MVB12A: variants seen among roughly 807,000 people sequenced by gnomAD.
MVB12A encodes CIN85/CD2AP family binding protein.
Under a neutral mutation model 34.3 loss-of-function variants are expected in MVB12A, and 30 were observed. The ratio of observed to expected loss-of-function variants is 0.88; its 90% CI spans 0.65 to 1.19. The LOEUF (loss-of-function observed/expected upper bound fraction) is 1.19, where lower values mean the gene tolerates loss of function less well. Among genes scored for constraint, MVB12A ranks in the 50% most tolerant of loss-of-function variants. The pLI is 0.00. For synonymous variants in MVB12A, 158 were observed against 158.9 expected (o/e 0.99, Z 0.04); for missense variants, 355 against 369.2 (o/e 0.96, Z 0.31).
Position 17,420,187 on chromosome 19 carries a change from T to A in MVB12A, c.52T>A (p.Ser18Thr). ...GGCGCCGCTGGCTGGCCTGGCCTGG[T>A]CGTCGGCCTCTGCACCCCCGCCGCG... is the stretch of plus-strand genomic sequence containing the variant. ...DSAPLAGLAW[S>T]SASAPPPRGF... The change falls in exon 1 of 9, where the codon TCG becomes ACG. Residue 18 changes from serine (S) to threonine (T), a missense_variant. Ser to Thr is a moderately conservative substitution (Grantham distance 58, BLOSUM62 1). Transcript: ENST00000317040. The A allele has an allele frequency of 6.9e-7, 1 of 1,438,984 alleles. No homozygotes were observed. The highest frequency in any genetic ancestry group is 9.1e-7 in the Non-Finnish European group (1 of 1,103,704). 89.1% of individuals were successfully genotyped at this position (1,438,984 alleles called of 1,614,324 possible).
upstream of MVB12A, chr19:17,420,017 C>T (rs201774225): frequency 6.6e-4 from 153 of 232,440 alleles, 3 homozygotes; most frequent in African/African-American, 7.0e-3. Flanking sequence ...CAATCTCCGC[C>T]CCCCCCCCCC....
At chr19:17,408,128 T>C (rs751874826) in intron 2 of MVB12A, among the ~76,000 whole-genome samples, 8 of 152,214 alleles carry the variant, frequency 5.3e-5, no homozygotes, top group Non-Finnish European at 1.0e-4. Flanking sequence ...ATTAATGATA[T>C]TCATATATCT....
intron 2 of MVB12A, among the ~76,000 whole-genome samples, chr19:17,410,471 C>T (rs1278375419): frequency 7.8e-6 from 1 of 128,954 alleles, no homozygotes; most frequent in Non-Finnish European, 1.6e-5. Context: ...TGCACCCAGC[C>T]GCTAGCATTC....
upstream of MVB12A, chr19:17,419,019 G>A (rs1468955283): frequency 6.6e-6 from 1 of 151,544 alleles, no homozygotes; most frequent in Non-Finnish European, 1.5e-5. Flanking sequence ...TGGAACAGAC[G>A]ACCTCTAGTC....
At position 17,423,529 on chromosome 19, in the gene MVB12A, A is replaced by C. The variant is rs753809903; in HGVS notation, c.445A>C (p.Lys149Gln). 1 of 1,613,544 alleles carries C rather than the reference A, an allele frequency of 6.2e-7. No homozygotes were observed. Among genetic ancestry groups the C allele is most frequent in the Admixed American group, 1.7e-5 (1 of 60,022 alleles). The stretch of plus-strand genomic sequence containing the variant: ...GGGCGGCTTTGCCATCTGGTGCAAG[A>C]AGGCCAAGGCCCCGAGGCCAGTGCC... ...DMGGFAIWCK[K>Q]AKAPRPVPKP... Residue 149 changes from lysine (K) to glutamine (Q), a missense_variant, in exon 5 of 9, where the codon AAG (lysine) becomes CAG (glutamine). Lys to Gln is a moderately conservative substitution (Grantham distance 53). Transcript: ENST00000317040.
Position 17,423,689 on chromosome 19 carries a change from C to T in MVB12A, c.534-4C>T. 1 of 1,613,772 alleles carries T rather than the reference C, an allele frequency of 6.2e-7. No individual in the cohort carries two copies. Among genetic ancestry groups the T allele is most frequent in the Non-Finnish European group, 8.5e-7 (1 of 1,179,846 alleles). ...AGGCTTAACCTGAGTCATCCCACCTCCAGTAAGGGCGGCCTCCTGGAGCGG... is the reference window on the plus strand; with the variant it reads ...AGGCTTAACCTGAGTCATCCCACCTTCAGTAAGGGCGGCCTCCTGGAGCGG... On this transcript the variant is annotated splice_polypyrimidine_tract_variant and splice_region_variant and intron_variant, in intron 5 of 8. Coordinates refer to ENST00000317040, the MANE Select transcript of MVB12A (RefSeq NM_138401.4).
chr19:17,410,529 T>TATATATACACACACACACACACAC, intron 2 of MVB12A, among the ~76,000 whole-genome samples: 5 of 74,446 alleles, frequency 6.7e-5, no homozygotes, highest in Non-Finnish European at 1.2e-4. Flanking sequence ...TATATATATA[T>TATATATACACACACACACACACAC]ACACACACAC....
upstream of MVB12A, chr19:17,417,784 G>A (rs1325166817): frequency 7.8e-6 from 2 of 258,004 alleles, no homozygotes; most frequent in Non-Finnish European, 8.2e-6. Flanking sequence ...ATCCGCCTTT[G>A]CCATTTCATC....
chr19:17,423,998 T>A lies in MVB12A; in HGVS notation c.641-8T>A. 2 of 1,613,940 alleles carry A rather than the reference T, an allele frequency of 1.2e-6. No individual in the cohort carries two copies. Among genetic ancestry groups the A allele is most frequent in the Non-Finnish European group, 8.5e-7 (1 of 1,179,930 alleles). On this transcript the variant is annotated splice_region_variant and splice_polypyrimidine_tract_variant and intron_variant, in intron 6 of 8. Transcript: ENST00000317040. ...ACCTCACCTCCTCCCCTCGCACGTG[T>A]TTTTCAGCCATGGATGGGGTTCCCT...
At chr19:17,407,531 C>T (rs984145881) in intron 2 of MVB12A, among the ~76,000 whole-genome samples, 8 of 152,170 alleles carry the variant, frequency 5.3e-5, no homozygotes, top group Non-Finnish European at 8.8e-5. Context: ...GCCTGGCAGC[C>T]GAGGCAGAGA....
intron 2 of MVB12A, among the ~76,000 whole-genome samples, chr19:17,411,548 G>C (rs2074769526): frequency 6.6e-6 from 1 of 151,734 alleles, no homozygotes; most frequent in Non-Finnish European, 1.5e-5. Flanking sequence ...TGTAGAGATG[G>C]GGTCTCACTA....
chr19:17,405,811 C>T (rs28413174), intron 1 of MVB12A: 78,775 of 451,838 alleles, frequency 0.17, 7,805 homozygotes, highest in African/African-American at 0.27. Flanking sequence ...GCCCTTGGGC[C>T]CTTCCCAGCT....
At chr19:17,420,517 G>T in intron 2 of MVB12A, 21 bp from the exon 3 acceptor site, 1 of 1,599,388 alleles carries the variant, frequency 6.3e-7, no homozygotes, top group Non-Finnish European at 8.6e-7. Flanking sequence ...CACCCTCGCC[G>T]TGTCCCCCTT....
chr19:17,409,852 G>A (rs1306779703), intron 2 of MVB12A, among the ~76,000 whole-genome samples: 2 of 151,884 alleles, frequency 1.3e-5, no homozygotes, highest in African/African-American at 4.8e-5. Context: ...TCCGCCTCCT[G>A]GGTTCAAGCA....
intron 2 of MVB12A, chr19:17,414,585 C>T (rs1191731561): frequency 6.6e-6 from 1 of 152,206 alleles, no homozygotes; most frequent in African/African-American, 2.4e-5. Flanking sequence ...TAATATGTTT[C>T]TGGCTGGGCT....
upstream of MVB12A, chr19:17,420,020 C>CCCCCCCCA: frequency 2.8e-6 from 1 of 361,622 alleles, no homozygotes; most frequent in Non-Finnish European, 4.5e-6. Flanking sequence ...TCTCCGCCCC[C>CCCCCCCCA]CCCCCCCGCA....
Position 17,420,244 on chromosome 19 carries a change from C to T in MVB12A, c.90+19C>T, listed in dbSNP as rs540563524. The T allele has an allele frequency of 2.0e-6, 3 of 1,511,862 alleles. No individual in the cohort carries two copies. Among genetic ancestry groups the T allele is most frequent in the African/African-American group, 1.4e-5 (1 of 70,942 alleles). The allele number at this position is 1,511,862 out of a possible 1,614,324, so 93.7% of individuals were successfully genotyped here. The stretch of plus-strand genomic sequence containing the variant: ...CAGCGCGGTGAGCGGCGTCGAGGGG[C>T]GGGGGTCGAATGGGGGAGGCAGTCG... On this transcript the variant is annotated intron_variant, in intron 1 of 8. Transcript: ENST00000317040.
intron 2 of MVB12A, among the ~76,000 whole-genome samples, chr19:17,407,373 G>GC (rs1344278493): frequency 6.6e-6 from 1 of 152,152 alleles, no homozygotes; most frequent in Non-Finnish European, 1.5e-5. Context: ...CCAGCAATGC[G>GC]CGGAGACTGG....
At position 17,420,242 on chromosome 19, in the gene MVB12A, G is replaced by T. The variant is rs1316479861; in HGVS notation, c.90+17G>T. 1 of 1,511,394 alleles carries T rather than the reference G, an allele frequency of 6.6e-7. No homozygotes were observed. Among genetic ancestry groups the T allele is most frequent in the Non-Finnish European group, 8.8e-7 (1 of 1,134,168 alleles). The allele number at this position is 1,511,394 out of a possible 1,614,324, so 93.6% of individuals were successfully genotyped here. ...TTCAGCGCGGTGAGCGGCGTCGAGG[G>T]GCGGGGGTCGAATGGGGGAGGCAGT... On this transcript the variant is annotated intron_variant, in intron 1 of 8. Transcript: ENST00000317040.
Sources: allele counts gnomAD v4.1 joint callset (sites outside exome capture counted in the v4.1 genomes callset), GRCh38; gene constraint gnomAD v4.1.1; transcripts MANE v1.5; gene names NCBI Gene and HGNC (gene_info 2026-07-23, HGNC 2026-07-21).